Variants in HRH1 observed in about 807,000 individuals in gnomAD.
The protein encoded by HRH1 is histamine receptor H1, also known as histamine H1 receptor.
HRH1 carries 6 observed loss-of-function variants against 10.3 expected under a neutral mutation model. The ratio of observed to expected loss-of-function variants is 0.58; its 90% CI spans 0.32 to 1.15. The LOEUF (loss-of-function observed/expected upper bound fraction) is 1.15. Ranked by LOEUF, HRH1 falls within the 50% of genes most tolerant of loss-of-function variation. HRH1 has a pLI of 0.05. For synonymous variants in HRH1, 242 were observed against 236.7 expected (o/e 1.02, Z -0.21); for missense variants, 514 against 615.3 (o/e 0.84, Z 1.74).
At chr3:11,152,334 C>A (rs889825952), upstream of HRH1, among the ~76,000 whole-genome samples, 2 of 152,198 alleles carry the variant, frequency 1.3e-5, no homozygotes, top group African/African-American at 2.4e-5. Context: ...ACCCCTCATA[C>A]AGCCTGGGGT....
At chr3:11,252,348 A>G (rs375488578) in intron 1 of HRH1, among the ~76,000 whole-genome samples, 1 of 152,196 alleles carries the variant, frequency 6.6e-6, no homozygotes, top group South Asian at 2.1e-4. Context: ...AATTTAAGAC[A>G]TGGGTTGAGA....
intron 1 of HRH1, among the ~76,000 whole-genome samples, chr3:11,228,252 C>T (rs1011558450): frequency 6.6e-6 from 1 of 152,196 alleles, no homozygotes; most frequent in African/African-American, 2.4e-5. Context: ...GGCACAGTGG[C>T]TCGTGCCTGT....
Position 11,219,532 on chromosome 3 carries a change from T to A in HRH1, c.-35-39471T>A, listed in dbSNP as rs560563481. 4.6e-5 allele frequency among the ~76,000 whole-genome samples: 7 copies of A among 151,820 alleles called. 1 individual carries two copies. The South Asian group carries it at 1.5e-3, about 32-fold the overall frequency. On this transcript the variant is annotated intron_variant, in intron 1 of 1. Transcript: ENST00000431010. ...TTCAAAACCAGCCTGGCCAACATAGTGAAACCCCCGTCTCTACTAAAAATA... is the reference window on the plus strand; with the variant it reads ...TTCAAAACCAGCCTGGCCAACATAGAGAAACCCCCGTCTCTACTAAAAATA...
chr3:11,209,290 C>T (rs1404739410), intron 1 of HRH1, among the ~76,000 whole-genome samples: 1 of 152,170 alleles, frequency 6.6e-6, no homozygotes. Context: ...TAGGTTCTTG[C>T]TCTATTGCCC....
At chr3:11,245,687 T>C (rs1020639251) in intron 1 of HRH1, among the ~76,000 whole-genome samples, 1 of 152,210 alleles carries the variant, frequency 6.6e-6, no homozygotes, top group South Asian at 2.1e-4. Context: ...GGTTTCAGAA[T>C]GGAGTCATTG....
At chr3:11,178,169 T>A (rs1183910915) in intron 1 of HRH1, among the ~76,000 whole-genome samples, 1 of 152,204 alleles carries the variant, frequency 6.6e-6, no homozygotes, top group African/African-American at 2.4e-5. Flanking sequence ...ACTTTGTTCC[T>A]CTCTTGTCCC....
In HRH1 at chr3:11,211,475, T is replaced by A. The variant is rs187421006; in HGVS notation, c.-35-47528T>A. On this transcript the variant is annotated intron_variant, in intron 1 of 1. Transcript: ENST00000431010. ...CAACAAATTAAGACGTGAAACAGTG[T>A]TTCATAATCACAATTAGGCATTTCT... Among the ~76,000 whole-genome samples, 15 of 152,324 alleles carry A rather than the reference T, an allele frequency of 9.8e-5. No individual in the cohort carries two copies. In the East Asian group the frequency reaches 2.9e-3, roughly 29 times the overall value.
chr3:11,233,560 G>T (rs1452413357), intron 1 of HRH1, among the ~76,000 whole-genome samples: 1 of 152,140 alleles, frequency 6.6e-6, no homozygotes, highest in African/African-American at 2.4e-5. Flanking sequence ...GAGAGCCTGT[G>T]TGAACATGGG....
At chr3:11,197,778 A>G (rs543751590) in intron 1 of HRH1, among the ~76,000 whole-genome samples, 2 of 152,286 alleles carry the variant, frequency 1.3e-5, no homozygotes, top group African/African-American at 4.8e-5. Context: ...ATTGAAGGAA[A>G]AAAACAGCTC....
At chr3:11,225,682 A>C (rs561366484) in intron 1 of HRH1, among the ~76,000 whole-genome samples, 1 of 152,328 alleles carries the variant, frequency 6.6e-6, no homozygotes, top group Non-Finnish European at 1.5e-5. Context: ...TTTATTATTT[A>C]TTTATTTACT....
At chr3:11,138,904 G>A (rs1465159567) in intron 1 of HRH1, among the ~76,000 whole-genome samples, 2 of 151,530 alleles carry the variant, frequency 1.3e-5, no homozygotes, top group Non-Finnish European at 2.9e-5. Flanking sequence ...CAAACTCCTG[G>A]GCTCAAACAA....
intron 1 of HRH1, among the ~76,000 whole-genome samples, chr3:11,239,999 A>G (rs935313042): frequency 6.6e-6 from 1 of 152,180 alleles, no homozygotes; most frequent in African/African-American, 2.4e-5. Flanking sequence ...CCAGTGTTCC[A>G]GAAGAGAGAA....
At chr3:11,251,294 C>T (rs1393072203) in intron 1 of HRH1, among the ~76,000 whole-genome samples, 2 of 152,168 alleles carry the variant, frequency 1.3e-5, no homozygotes, top group Non-Finnish European at 2.9e-5. Context: ...TTCTCTAGTA[C>T]TTGGATTATC....
intron 1 of HRH1, among the ~76,000 whole-genome samples, chr3:11,253,641 C>G (rs751208046): frequency 6.6e-6 from 1 of 152,118 alleles, no homozygotes; most frequent in East Asian, 1.9e-4. Context: ...TTACCATCTC[C>G]CTAAGGTCTC....
intron 1 of HRH1, among the ~76,000 whole-genome samples, chr3:11,138,396 A>G (rs868578409): frequency 2.0e-5 from 3 of 152,144 alleles, no homozygotes; most frequent in Admixed American, 6.5e-5. Flanking sequence ...AAGGACTTGA[A>G]CAGACATTTC....
chr3:11,248,106 TA>T (rs1201631850), intron 1 of HRH1, among the ~76,000 whole-genome samples: 2 of 152,302 alleles, frequency 1.3e-5, no homozygotes, highest in East Asian at 3.9e-4. Flanking sequence ...TTATTAGGAA[TA>T]AAAGTACAAC....
At chr3:11,255,756 T>C (rs1171635456) in intron 1 of HRH1, among the ~76,000 whole-genome samples, 1 of 152,240 alleles carries the variant, frequency 6.6e-6, no homozygotes, top group Non-Finnish European at 1.5e-5. Flanking sequence ...GGTTGCATTC[T>C]TTTGAGTTTC....
At chr3:11,172,575 T>C (rs1409372896) in intron 1 of HRH1, among the ~76,000 whole-genome samples, 1 of 152,112 alleles carries the variant, frequency 6.6e-6, no homozygotes, top group Non-Finnish European at 1.5e-5. Context: ...CGACCTCTCC[T>C]GGGAACCCCT....
intron 1 of HRH1, among the ~76,000 whole-genome samples, chr3:11,257,154 A>G (rs4684062): frequency 1 from 151,240 of 151,242 alleles, 75,619 homozygotes; most frequent in Middle Eastern, 1. Flanking sequence ...TCGGGAGGCT[A>G]AGGCATGAGA....
Sources: allele counts gnomAD v4.1 joint callset (sites outside exome capture counted in the v4.1 genomes callset), GRCh38; gene constraint gnomAD v4.1.1; transcripts MANE v1.5; gene names NCBI Gene and HGNC (gene_info 2026-07-23, HGNC 2026-07-21).